NECTIN3: variants seen among roughly 807,000 people sequenced by gnomAD.
NECTIN3 encodes the protein nectin cell adhesion molecule 3.
In NECTIN3, 8 loss-of-function variants were observed where a neutral mutation model predicts 49.4. The ratio of observed to expected loss-of-function variants is 0.16; its 90% confidence interval spans 0.10 to 0.29. The LOEUF (loss-of-function observed/expected upper bound fraction) is 0.29. NECTIN3 is among the 10% of genes least tolerant of loss of function. The pLI is 1.00. For missense variants in NECTIN3, 581 were observed against 654.6 expected, an observed-to-expected ratio of 0.89 and a Z score of 1.23; for synonymous variants, 277 against 241.1, an observed-to-expected ratio of 1.15 and a Z score of -1.38.
chr3:111,127,882 G>A (rs1343963765), intron 5 of NECTIN3, among the ~76,000 whole-genome samples: 3 of 152,008 alleles, frequency 2.0e-5, no homozygotes, highest in African/African-American at 7.2e-5. Flanking sequence ...ATCTGAATGA[G>A]GTTACATATT....
rs1179522467 is a variant in NECTIN3 at position 111,136,949 on chromosome 3, T to A, written c.*2734T>A. On this transcript the variant is annotated 3_prime_UTR_variant, in exon 6 of 6. Coordinates refer to ENST00000485303, the MANE Select transcript of NECTIN3 (RefSeq NM_015480.3). ...AAGATTTAGTATTTTACCACGTGCC[T>A]AGTAGGGTTCTATTTGCTAACTCTA... 1 of 974,864 alleles carries A rather than the reference T, an allele frequency of 1.0e-6. No individual in the cohort carries two copies. Among genetic ancestry groups the A allele is most frequent in the Non-Finnish European group, 1.2e-6 (1 of 820,670 alleles). 60.4% of individuals were successfully genotyped at this position (974,864 alleles called of 1,614,324 possible).
rs922881453 is a variant in NECTIN3, at chr3:111,159,620, G to T, written c.1221+12136G>T. Among the ~76,000 whole-genome samples, 9 of 152,040 alleles carry T rather than the reference G, an allele frequency of 5.9e-5. No individual in the cohort carries two copies. In the South Asian group the frequency reaches 6.2e-4, roughly 10 times the overall value. ...ACCTGGAGTTGAAAACACCATTTGA[G>T]GTCTCAAAGCTCAGTCTTCTACTCA... On this transcript the variant is annotated intron_variant, in intron 7 of 8. Coordinates refer to the NECTIN3 transcript ENST00000493615.
In NECTIN3 at chr3:111,118,843, G is replaced by A; in HGVS notation, c.690G>A (p.Gln230=). ...FPNETATIIS[Q]YKLFPTRFAR... The stretch of plus-strand genomic sequence containing the variant: ...ATGAAACGGCAACGATTATCAGCCA[G>A]TACAAGCTATTTCCAACCAGATTTG... Residue 230 remains glutamine (Q), a synonymous_variant, in exon 3 of 6, where the codon CAG becomes CAA. Coordinates refer to ENST00000485303, the MANE Select transcript of NECTIN3 (RefSeq NM_015480.3). 6.2e-7 allele frequency: 1 copy of A among 1,614,142 alleles called. No homozygotes were observed. The highest frequency in any genetic ancestry group is 1.3e-5 in the African/African-American group (1 of 75,046).
chr3:111,074,201 A>G, intron 1 of NECTIN3: 1 of 456,316 alleles, frequency 2.2e-6, no homozygotes, highest in Non-Finnish European at 4.4e-6. Flanking sequence ...TAGGGCACAG[A>G]TGTTGTGACT....
At position 111,133,929 on chromosome 3, in the gene NECTIN3, T is replaced by A; in HGVS notation, c.1364T>A (p.Ile455Lys). ...PPSDMQKESQ[I>K]DVLQQDELDS... ...TCAGATATGCAAAAAGAATCACAAA[T>A]AGATGTTCTTCAACAAGATGAGCTT... Residue 455 changes from isoleucine to lysine, a missense_variant, in exon 6 of 6, where the codon ATA (isoleucine) becomes AAA (lysine). Ile to Lys is a moderately radical substitution (Grantham distance 102). Coordinates refer to ENST00000485303, the MANE Select transcript of NECTIN3 (RefSeq NM_015480.3). The A allele has an allele frequency of 6.2e-7, 1 of 1,613,796 alleles. No individual in the cohort carries two copies. Among genetic ancestry groups the A allele is most frequent in the Non-Finnish European group, 8.5e-7 (1 of 1,179,838 alleles).
intron 7 of NECTIN3, among the ~76,000 whole-genome samples, chr3:111,168,078 T>C (rs1308426652): frequency 6.6e-6 from 1 of 152,154 alleles, no homozygotes; most frequent in African/African-American, 2.4e-5. Context: ...GTCACATCAG[T>C]GCTTGAAAAG....
chr3:111,148,134 T>A (rs1251066166), intron 7 of NECTIN3, among the ~76,000 whole-genome samples: 1 of 152,234 alleles, frequency 6.6e-6, no homozygotes, highest in Non-Finnish European at 1.5e-5. Flanking sequence ...TAAGCTGTAC[T>A]GGGGTTGTAT....
chr3:111,192,262 T>A (rs2035825766), upstream of NECTIN3: 2 of 1,183,406 alleles, frequency 1.7e-6, no homozygotes, highest in African/African-American at 3.1e-5. Flanking sequence ...TAACAAGACA[T>A]GATTGGCTCT....
chr3:111,170,404 C>G (rs893083630), intron 7 of NECTIN3, among the ~76,000 whole-genome samples: 4 of 152,102 alleles, frequency 2.6e-5, no homozygotes, highest in African/African-American at 9.7e-5. Flanking sequence ...ACTGTTTTCT[C>G]CCTTCTGTCA....
chr3:111,109,067 ATCT>A (rs1434037450), intron 1 of NECTIN3, among the ~76,000 whole-genome samples: 1 of 152,074 alleles, frequency 6.6e-6, no homozygotes, highest in East Asian at 1.9e-4. Flanking sequence ...CTTGATGAGG[ATCT>A]TCTTCCTGGA....
At chr3:111,145,359 C>G (rs1194758803) in intron 6 of NECTIN3, among the ~76,000 whole-genome samples, 1 of 152,082 alleles carries the variant, frequency 6.6e-6, no homozygotes, top group Non-Finnish European at 1.5e-5. Context: ...GAAGTGGTAA[C>G]CGAAGGACAT....
chr3:111,129,805 T>C (rs1441576154), intron 5 of NECTIN3, among the ~76,000 whole-genome samples: 2 of 150,884 alleles, frequency 1.3e-5, no homozygotes, highest in Admixed American at 6.6e-5. Flanking sequence ...CACGCTGCCA[T>C]GCTCAGCTAA....
upstream of NECTIN3, among the ~76,000 whole-genome samples, chr3:111,190,995 T>G (rs996536964): frequency 3.3e-5 from 5 of 152,190 alleles, no homozygotes; most frequent in African/African-American, 1.2e-4. Context: ...AAGTAGAATT[T>G]CTACTCCCAG....
intron 5 of NECTIN3, among the ~76,000 whole-genome samples, chr3:111,143,557 T>C (rs1270355570): frequency 6.6e-6 from 1 of 151,932 alleles, no homozygotes; most frequent in African/African-American, 2.4e-5. Flanking sequence ...TAAATATGTA[T>C]TTATATGGGA....
At chr3:111,111,274 G>A (rs147167592) in intron 1 of NECTIN3, among the ~76,000 whole-genome samples, 5 of 152,042 alleles carry the variant, frequency 3.3e-5, no homozygotes, top group Non-Finnish European at 7.4e-5. Flanking sequence ...AAGGAAAAAC[G>A]TATTATATTG....
chr3:111,135,384 G>T lies in NECTIN3; in HGVS notation c.*1169G>T. The T allele has an allele frequency of 2.1e-6, 2 of 932,854 alleles. No homozygotes were observed. The highest frequency in any genetic ancestry group is 2.6e-6 in the Non-Finnish European group (2 of 782,546). The allele number at this position is 932,854 out of a possible 1,614,324, so 57.8% of individuals were successfully genotyped here. A position where few individuals can be genotyped will look rare whatever the true frequency, so the allele number is the denominator to read the frequency against. On this transcript the variant is annotated 3_prime_UTR_variant, in exon 6 of 6. Coordinates refer to ENST00000485303, the MANE Select transcript of NECTIN3 (RefSeq NM_015480.3). ...TTACGATTAAAACTGGAAACATGAG[G>T]TTTTTTGTTTTTGTTTTTTTACATA...
intron 7 of NECTIN3, among the ~76,000 whole-genome samples, chr3:111,183,328 T>G (rs975513804): frequency 1.3e-5 from 2 of 151,438 alleles, no homozygotes; most frequent in African/African-American, 4.9e-5. Context: ...TTTTTTTTTT[T>G]GAAACAAAGT....
chr3:111,074,959 A>G (rs901398088), intron 1 of NECTIN3: 1 of 151,986 alleles, frequency 6.6e-6, no homozygotes, highest in African/African-American at 2.4e-5. Context: ...GTAAGGTCCC[A>G]TTTGGCTCTG....
chr3:111,164,841 AT>A (rs1454083341), intron 7 of NECTIN3, among the ~76,000 whole-genome samples: 1 of 152,200 alleles, frequency 6.6e-6, no homozygotes, highest in Non-Finnish European at 1.5e-5. Context: ...GGTACCCAGG[AT>A]TAGAATTTAG....
Sources: gnomAD v4.1 joint callset for allele counts (sites outside exome capture counted in the v4.1 genomes callset) on GRCh38, gnomAD v4.1.1 for gene constraint, MANE v1.5 for transcripts, NCBI Gene and HGNC (gene_info 2026-07-23, HGNC 2026-07-21) for gene names.